Variants in CASR observed in about 807,000 individuals in gnomAD.
The protein encoded by CASR is extracellular calcium-sensing receptor.
A neutral mutation model predicts 69.1 loss-of-function variants in CASR; 23 were observed. The observed-to-expected ratio is 0.33, with a 90% CI of 0.24 to 0.47. CASR has a LOEUF of 0.47. Ranked by LOEUF, CASR falls within the 20% of genes least tolerant of loss-of-function variation. The pLI is 1.00. For synonymous variants in CASR, 541 were observed against 544.7 expected (o/e 0.99, Z 0.10); for missense variants, 924 against 1,356.1 (o/e 0.68, Z 5.00).
rs192443672 is a variant in CASR, at chr3:122,216,937, G to A, written c.-243+33125G>A. 6.2e-4 allele frequency among the ~76,000 whole-genome samples: 94 copies of A among 152,284 alleles called. 2 individuals are homozygous for A. The highest frequency in any genetic ancestry group is 6.5e-4 in the Admixed American group (10 of 15,292). On this transcript the variant is annotated intron_variant, in intron 1 of 6. Coordinates refer to ENST00000639785, the MANE Select transcript of CASR (RefSeq NM_000388.4). ...TTCATTCAACATATATTTATTGAGT[G>A]CTTACTATATGCCAGGCATTGTGCT...
intron 1 of CASR, among the ~76,000 whole-genome samples, chr3:122,199,692 A>T (rs1260125340): frequency 2.6e-5 from 4 of 152,158 alleles, no homozygotes; most frequent in African/African-American, 9.7e-5. Context: ...GATTTCGTAG[A>T]AGTAAAAAGT....
At chr3:122,206,821 G>C (rs1377957397) in intron 1 of CASR, among the ~76,000 whole-genome samples, 1 of 151,930 alleles carries the variant, frequency 6.6e-6, no homozygotes, top group Non-Finnish European at 1.5e-5. Context: ...ATGTGTCCAG[G>C]AATTTATCCA....
chr3:122,235,239 C>T (rs1336099131), intron 1 of CASR, among the ~76,000 whole-genome samples: 1 of 152,140 alleles, frequency 6.6e-6, no homozygotes, highest in African/African-American at 2.4e-5. Flanking sequence ...AGTAGAGCAC[C>T]CAAGACTCTG....
chr3:122,186,030 CA>C (rs374601435), intron 1 of CASR, among the ~76,000 whole-genome samples: 6 of 151,262 alleles, frequency 4.0e-5, no homozygotes, highest in Admixed American at 1.3e-4. Context: ...TATGCTAGAC[CA>C]AAACATAGTA....
intron 4 of CASR, among the ~76,000 whole-genome samples, chr3:122,273,965 A>T (rs1559964320): frequency 1.3e-5 from 2 of 152,196 alleles, no homozygotes; most frequent in Non-Finnish European, 2.9e-5. Flanking sequence ...AAAGGAACAC[A>T]TCTAGAACAC....
At chr3:122,245,445 G>T (rs1004891204) in intron 1 of CASR, 1 of 152,088 alleles carries the variant, frequency 6.6e-6, no homozygotes, top group Non-Finnish European at 1.5e-5. Flanking sequence ...TTAACATTTC[G>T]GTGTGTATCC....
At chr3:122,199,388 C>G (rs937951767) in intron 1 of CASR, among the ~76,000 whole-genome samples, 1 of 152,204 alleles carries the variant, frequency 6.6e-6, no homozygotes, top group Non-Finnish European at 1.5e-5. Flanking sequence ...TAAACCTTCT[C>G]CTAAGAAATT....
intron 1 of CASR, among the ~76,000 whole-genome samples, chr3:122,186,131 T>C (rs2073781084): frequency 6.6e-6 from 1 of 152,224 alleles, no homozygotes; most frequent in Non-Finnish European, 1.5e-5. Flanking sequence ...AATTTTCTTT[T>C]TTACTGAATT....
chr3:122,271,972 GTT>G (rs2074763414), intron 4 of CASR, among the ~76,000 whole-genome samples: 2 of 152,020 alleles, frequency 1.3e-5, no homozygotes, highest in African/African-American at 4.8e-5. Context: ...TTATTTATCT[GTT>G]TACCCAATTG....
At chr3:122,281,287 C>T (rs35416160) in intron 5 of CASR, among the ~76,000 whole-genome samples, 41,814 of 152,098 alleles carry the variant, frequency 0.27, 6,503 homozygotes, top group Non-Finnish European at 0.36. Context: ...TCTAATAATT[C>T]GGTTGTTCTT....
chr3:122,189,587 T>A (rs4678029), intron 1 of CASR, among the ~76,000 whole-genome samples: 1 of 152,160 alleles, frequency 6.6e-6, no homozygotes, highest in Non-Finnish European at 1.5e-5. Context: ...ATATGATACC[T>A]GCAGAGAGGA....
chr3:122,285,363 T>A lies in CASR; in HGVS notation c.*172T>A. The A allele has an allele frequency of 1.7e-6, 1 of 594,890 alleles. No homozygotes were observed. Among genetic ancestry groups the A allele is most frequent in the Non-Finnish European group, 2.9e-6 (1 of 340,634 alleles). 36.9% of individuals were successfully genotyped at this position (594,890 alleles called of 1,614,324 possible). ...TGACAGTGAATTGACCCATGTTCCC[T>A]TTAAAATTAAAAAAAAGAAGAGCCT... On this transcript the variant is annotated 3_prime_UTR_variant, in exon 7 of 7. Transcript: ENST00000639785.
At position 122,262,218 on chromosome 3, in the gene CASR, T is replaced by C. The variant is rs1057517712; in HGVS notation, c.1183T>C (p.Cys395Arg). The C allele has an allele frequency of 6.2e-7, 1 of 1,614,194 alleles. No individual in the cohort carries two copies. The highest frequency in any genetic ancestry group is 8.5e-7 in the Non-Finnish European group (1 of 1,180,012). Residue 395 changes from cysteine (C) to arginine (R), a missense_variant, in exon 4 of 7, where the codon TGT becomes CGT. Cys to Arg is a radical substitution (Grantham distance 180, BLOSUM62 -3). Around this residue, in one of 8 missense-constraint regions of CASR, gnomAD observed 310 missense variants for 395.7 expected, o/e 0.78. Transcript: ENST00000639785. ...SNSSTAFRPL[C>R]TGDENISSVE... is the part of the protein sequence containing the mutation. ...CAGCTCGACAGCCTTCCGACCCCTC[T>C]GTACAGGGGATGAGAACATCAGCAG...
intron 3 of CASR, among the ~76,000 whole-genome samples, chr3:122,259,755 G>C (rs1384027399): frequency 6.7e-6 from 1 of 149,812 alleles, no homozygotes; most frequent in South Asian, 2.1e-4. Flanking sequence ...TCAGCCTCCC[G>C]AGTAGCTGGG....
chr3:122,281,840 A>G (rs2074892097), intron 5 of CASR, among the ~76,000 whole-genome samples: 2 of 152,042 alleles, frequency 1.3e-5, no homozygotes, highest in Admixed American at 1.3e-4. Context: ...AGATCATCAT[A>G]GAATCCCAAG....
At chr3:122,260,175 A>C (rs778295072) in intron 3 of CASR, among the ~76,000 whole-genome samples, 30 of 152,210 alleles carry the variant, frequency 2.0e-4, no homozygotes, top group African/African-American at 7.2e-4. Context: ...TGGGGTGACC[A>C]GGTGGGGCCT....
chr3:122,269,928 G>A (rs958801296), intron 4 of CASR, among the ~76,000 whole-genome samples: 6 of 151,972 alleles, frequency 3.9e-5, no homozygotes, highest in African/African-American at 1.2e-4. Context: ...TGCAACCTCC[G>A]CCTCCCAGGT....
intron 1 of CASR, among the ~76,000 whole-genome samples, chr3:122,230,139 CTTAAG>C (rs2074265101): frequency 6.6e-6 from 1 of 152,214 alleles, no homozygotes. Context: ...TGTTTCTGGT[CTTAAG>C]TTATCAATAA....
intron 1 of CASR, among the ~76,000 whole-genome samples, chr3:122,217,761 A>T (rs1440082879): frequency 2.6e-5 from 4 of 152,224 alleles, no homozygotes; most frequent in African/African-American, 9.6e-5. Flanking sequence ...TACCATTCTG[A>T]TAGTGGTTGA....
Sources: gnomAD v4.1 joint callset for allele counts (sites outside exome capture counted in the v4.1 genomes callset) on GRCh38, gnomAD v4.1.1 for gene constraint, gnomAD v4.1.1 regional missense constraint, MANE v1.5 for transcripts, NCBI Gene and HGNC (gene_info 2026-07-23, HGNC 2026-07-21) for gene names.